Variants in ERCC6 observed in about 807,000 individuals in gnomAD.
The protein encoded by ERCC6 is DNA excision repair protein ERCC-6.
ERCC6 carries 116 observed loss-of-function variants against 158.7 expected under a neutral mutation model. The ratio of observed to expected loss-of-function variants is 0.73; its 90% CI spans 0.63 to 0.85. The LOEUF (loss-of-function observed/expected upper bound fraction) is 0.85, where lower values mean the gene tolerates loss of function less well. ERCC6 is among the 40% of genes least tolerant of loss of function. The pLI, the probability that ERCC6 is intolerant of heterozygous loss-of-function variation, is 0.00. For missense variants in ERCC6, 1,698 were observed against 1,799.4 expected (o/e 0.94, Z 1.02); for synonymous variants, 678 against 659.3 (o/e 1.03, Z -0.43).
intron 8 of ERCC6, chr10:49,488,283 C>A: frequency 5.8e-6 from 1 of 171,386 alleles, no homozygotes; most frequent in Non-Finnish European, 1.3e-5. Context: ...CCATAAATCA[C>A]ACTGTCAGGC....
intron 20 of ERCC6, chr10:49,460,022 G>A: frequency 2.7e-6 from 1 of 366,110 alleles, no homozygotes; most frequent in Non-Finnish European, 5.2e-6. Flanking sequence ...CAACATTCAA[G>A]GCAGTTTTCT....
chr10:49,478,806 G>A (rs1328588917), intron 10 of ERCC6, among the ~76,000 whole-genome samples: 1 of 152,140 alleles, frequency 6.6e-6, no homozygotes, highest in African/African-American at 2.4e-5. Context: ...GAGACTTACT[G>A]GGTTCTTGAC....
At position 49,458,436 on chromosome 10, in the gene ERCC6, GT is replaced by G. The variant is rs1850518391; in HGVS notation, c.*378del. 4.0e-6 allele frequency: 1 copy of G among 247,310 alleles called. No homozygotes were observed. Among genetic ancestry groups the G allele is most frequent in the Non-Finnish European group, 8.0e-6 (1 of 125,340 alleles). The allele number at this position is 247,310 out of a possible 1,614,324, so 15.3% of individuals were successfully genotyped here. ...ACAGGTCTGACTGAATGTAAGACCT[GT>G]TTTTAGCACCAATAAAAAAAAATAT... On this transcript the variant is annotated 3_prime_UTR_variant, in exon 21 of 21. Coordinates refer to ENST00000355832, the MANE Select transcript of ERCC6 (RefSeq NM_000124.4).
At chr10:49,508,538 T>C (rs1851483260) in intron 5 of ERCC6, among the ~76,000 whole-genome samples, 2 of 152,212 alleles carry the variant, frequency 1.3e-5, no homozygotes, top group African/African-American at 4.8e-5. Flanking sequence ...AAACATTTAT[T>C]CAGTTTGGCT....
At chr10:49,447,388 A>G in the ERCC6 span, among the ~76,000 whole-genome samples, 1 of 152,140 alleles carries the variant, frequency 6.6e-6, no homozygotes, top group East Asian at 1.9e-4. Context: ...CCCTATACCC[A>G]TTAAGAAATC....
At chr10:49,518,617 C>A (rs529196262) in intron 5 of ERCC6, among the ~76,000 whole-genome samples, 4 of 152,118 alleles carry the variant, frequency 2.6e-5, no homozygotes, top group Non-Finnish European at 5.9e-5. Context: ...AAGGCTGCAA[C>A]GTTCCAAATC....
intron 10 of ERCC6, among the ~76,000 whole-genome samples, chr10:49,480,859 AAACT>A (rs1485040950): frequency 6.6e-6 from 1 of 152,250 alleles, no homozygotes; most frequent in African/African-American, 2.4e-5. Context: ...TACATTCTAC[AAACT>A]AACAGGCCTA....
chr10:49,466,948 A>G (rs1850686823), intron 18 of ERCC6, among the ~76,000 whole-genome samples: 1 of 151,874 alleles, frequency 6.6e-6, no homozygotes, highest in South Asian at 2.1e-4. Flanking sequence ...ATCATGCCTA[A>G]TTTTTGTATT....
At chr10:49,444,263 G>A in the ERCC6 span, among the ~76,000 whole-genome samples, 1 of 152,180 alleles carries the variant, frequency 6.6e-6, no homozygotes, top group African/African-American at 2.4e-5. Flanking sequence ...ACCCTACTGA[G>A]ACTCGCTCCT....
At position 49,459,056 on chromosome 10, in the gene ERCC6, T is replaced by C. The variant is rs760408945; in HGVS notation, c.4241A>G (p.Glu1414Gly). The change falls in exon 21 of 21, where the codon GAA (glutamate) becomes GGA (glycine). Residue 1414 changes from glutamate to glycine, a missense_variant. Transcript: ENST00000355832. The part of the protein sequence containing the change: ...RLESESGHLQ[E>G]ASALLPTTEH... The stretch of plus-strand genomic sequence containing the variant: ...TGTGGTGGGCAGCAGGGCAGAAGCT[T>C]CCTGCAGGTGCCCGCTTTCACTTTC... 1.2e-6 allele frequency: 2 copies of C among 1,614,168 alleles called. No homozygotes were observed. The highest frequency in any genetic ancestry group is 1.1e-5 in the South Asian group (1 of 91,086).
At chr10:49,463,413 A>G (rs1052820689) in intron 18 of ERCC6, among the ~76,000 whole-genome samples, 1 of 152,222 alleles carries the variant, frequency 6.6e-6, no homozygotes, top group African/African-American at 2.4e-5. Context: ...AGAGCACTCT[A>G]GCAATAAAAA....
chr10:49,476,872 C>T (rs913521030), intron 11 of ERCC6, among the ~76,000 whole-genome samples: 3 of 152,316 alleles, frequency 2.0e-5, no homozygotes, highest in South Asian at 2.1e-4. Flanking sequence ...TACATTCCCA[C>T]GGATGCTCAT....
chr10:49,511,022 AAAGAT>A (rs1402911175), intron 5 of ERCC6, among the ~76,000 whole-genome samples: 2 of 152,142 alleles, frequency 1.3e-5, no homozygotes, highest in African/African-American at 4.8e-5. Flanking sequence ...AAAAAAAAAA[AAAGAT>A]AAGGAGAAGG....
chr10:49,483,097 T>C (rs1020633169), intron 9 of ERCC6, among the ~76,000 whole-genome samples: 2 of 152,038 alleles, frequency 1.3e-5, no homozygotes, highest in Non-Finnish European at 2.9e-5. Flanking sequence ...TAGATTAGAG[T>C]TGGGTTTGGT....
rs1339542140 is a variant in ERCC6 at position 49,470,289 on chromosome 10, T to C, written c.3671A>G (p.His1224Arg). Residue 1224 changes from histidine (H) to arginine (R), a missense_variant, in exon 18 of 21, where the codon CAC becomes CGC. By Grantham distance (29) the His-to-Arg change is conservative. Transcript: ENST00000355832. ...CTGGTAACGCCTTTTCTTCACCAGGTGTGGAATTCGAGTTCCTTCAAACTT... is the reference window on the plus strand; with the variant it reads ...CTGGTAACGCCTTTTCTTCACCAGGCGTGGAATTCGAGTTCCTTCAAACTT... ...DAKFEGTRIP[H>R]LVKKRRYQKQ... 7.4e-6 allele frequency: 12 copies of C among 1,614,016 alleles called. No homozygotes were observed. Among genetic ancestry groups the C allele is most frequent in the South Asian group, 3.3e-5 (3 of 91,078 alleles).
chr10:49,437,538 G>A, the ERCC6 span, among the ~76,000 whole-genome samples: 838 of 152,292 alleles, frequency 5.5e-3, 8 homozygotes, highest in African/African-American at 0.019. Context: ...GGAGAGGAGA[G>A]GAATAGACAG....
At chr10:49,461,618 C>T in intron 18 of ERCC6, 62 bp from the exon 19 acceptor site, 3 of 1,512,870 alleles carry the variant, frequency 2.0e-6, no homozygotes, top group Non-Finnish European at 2.7e-6. Context: ...ACACTTTTCT[C>T]CTCTGTATAA....
At chr10:49,527,534 G>T (rs1412089907) in intron 4 of ERCC6, among the ~76,000 whole-genome samples, 2 of 152,086 alleles carry the variant, frequency 1.3e-5, no homozygotes, top group African/African-American at 4.8e-5. Context: ...AAATTAGCTG[G>T]GCATGGTGGT....
At chr10:49,515,783 C>T (rs1332725935) in intron 5 of ERCC6, 1 of 1,614,028 alleles carries the variant, frequency 6.2e-7, no homozygotes, top group Non-Finnish European at 8.5e-7. Flanking sequence ...GAACTTGTAT[C>T]TTCTTTTTCA....
Sources: gnomAD v4.1 joint callset for allele counts (sites outside exome capture counted in the v4.1 genomes callset) on GRCh38, gnomAD v4.1.1 for gene constraint, MANE v1.5 for transcripts, NCBI Gene and HGNC (gene_info 2026-07-23, HGNC 2026-07-21) for gene names.